The following ENTHD1 variants were observed in gnomAD, a reference collection of about 807,000 sequenced individuals.
ENTHD1 encodes the protein ENTH domain containing 1, also known as ENTH domain-containing protein 1.
A neutral mutation model predicts 39.1 loss-of-function variants in ENTHD1; 23 were observed. The observed-to-expected ratio is 0.59, with a 90% CI of 0.42 to 0.83. The LOEUF is 0.83. Ranked by LOEUF, ENTHD1 falls within the 40% of genes least tolerant of loss-of-function variation. The pLI is 0.00. For missense variants in ENTHD1, 624 were observed against 705.4 expected, an observed-to-expected ratio of 0.88 and a Z score of 1.31; for synonymous variants, 230 against 258.2, an observed-to-expected ratio of 0.89 and a Z score of 1.05.
At chr22:39,859,877 G>A (rs556428146) in intron 3 of ENTHD1, among the ~76,000 whole-genome samples, 1 of 152,176 alleles carries the variant, frequency 6.6e-6, no homozygotes, top group Admixed American at 6.5e-5. Flanking sequence ...TAAAATATAC[G>A]TTATCTGTGA....
In ENTHD1 at chr22:39,799,835, C is replaced by T. The variant is rs1338950232; in HGVS notation, c.832+21158G>A. On this transcript the variant is annotated intron_variant, in intron 5 of 6. Transcript: ENST00000325157. ...GTCTCTATCACTGGGGACCCTGTCA[C>T]TTCTGCTGGGTCCAACAGTGGCACA... 2.0e-5 allele frequency among the ~76,000 whole-genome samples: 3 copies of T among 152,334 alleles called. 1 individual carries two copies. Among genetic ancestry groups the T allele is most frequent in the Admixed American group, 6.5e-5 (1 of 15,304 alleles).
intron 5 of ENTHD1, among the ~76,000 whole-genome samples, chr22:39,800,210 G>A (rs542940330): frequency 2.6e-5 from 4 of 152,312 alleles, no homozygotes; most frequent in East Asian, 3.9e-4. Flanking sequence ...AGCCAATCCT[G>A]GCCAAGCTGG....
At chr22:39,839,320 T>G (rs368553966) in intron 3 of ENTHD1, among the ~76,000 whole-genome samples, 3 of 152,194 alleles carry the variant, frequency 2.0e-5, no homozygotes, top group Admixed American at 6.5e-5. Context: ...CTAAACGTTC[T>G]TGAATTAATT....
intron 4 of ENTHD1, 70 bp from the exon 5 acceptor site, chr22:39,821,183 G>A: frequency 1.9e-6 from 3 of 1,545,882 alleles, no homozygotes; most frequent in Non-Finnish European, 2.6e-6. Flanking sequence ...AATTTATTGA[G>A]CTACAAAGTA....
chr22:39,758,310 A>G lies in ENTHD1; in HGVS notation c.1219+6913T>C, dbSNP rs564819278. 3.6e-4 allele frequency among the ~76,000 whole-genome samples: 55 copies of G among 152,338 alleles called. 1 individual carries two copies. Among genetic ancestry groups the G allele is most frequent in the African/African-American group, 1.3e-3 (52 of 41,582 alleles). ...AAGACCTCTAATACAATGTTGAATA[A>G]AAGCGGTGACAGCAGCCATCCTTTC... On this transcript the variant is annotated intron_variant, in intron 6 of 6. Transcript: ENST00000325157.
Position 39,821,006 on chromosome 22 carries a change from A to T in ENTHD1, c.819T>A (p.Asn273Lys), listed in dbSNP as rs1440643686. 2 of 1,614,064 alleles carry T rather than the reference A, an allele frequency of 1.2e-6. No homozygotes were observed. The highest frequency in any genetic ancestry group is 3.3e-5 in the Admixed American group (2 of 60,024). The part of the protein sequence containing the change: ...TCLSEAEEVC[N>K]LSGADAVPTL... Reference sequence around the variant, plus strand: ...TAACCAATTTACCTGCACCCGAAAGATTACAAACTTCTTCTGCTTCTGACA... The same window carrying T: ...TAACCAATTTACCTGCACCCGAAAGTTTACAAACTTCTTCTGCTTCTGACA... Residue 273 changes from asparagine (N) to lysine (K), a missense_variant, in exon 5 of 7, where the codon AAT (asparagine) becomes AAA (lysine). Asn to Lys is a moderately conservative substitution (Grantham distance 94). Transcript: ENST00000325157.
chr22:39,875,571 T>A (rs1407797332), intron 2 of ENTHD1: 32 of 1,611,272 alleles, frequency 2.0e-5, no homozygotes, highest in Non-Finnish European at 2.6e-5. Flanking sequence ...TACCGCCGCC[T>A]TGAAGTTTTA....
chr22:39,859,725 G>A (rs1362435208), intron 3 of ENTHD1, among the ~76,000 whole-genome samples: 18 of 151,992 alleles, frequency 1.2e-4, no homozygotes, highest in Non-Finnish European at 8.8e-5. Context: ...AGATCACCAT[G>A]ACACATATAA....
intron 3 of ENTHD1, among the ~76,000 whole-genome samples, chr22:39,847,498 C>T (rs2065999859): frequency 6.6e-6 from 1 of 150,642 alleles, no homozygotes; most frequent in East Asian, 2.0e-4. Flanking sequence ...CACGTGTACC[C>T]TAAAACTTAA....
At chr22:39,817,650 GAATTTTTTTAAATTAAGAGTAT>G (rs2146643241) in intron 5 of ENTHD1, among the ~76,000 whole-genome samples, 1 of 151,942 alleles carries the variant, frequency 6.6e-6, no homozygotes, top group African/African-American at 2.4e-5. Flanking sequence ...CTCTGTATTT[GAATTTTTTTAAATTAAGAGTAT>G]ATTCACTTAT....
intron 2 of ENTHD1, among the ~76,000 whole-genome samples, chr22:39,881,468 C>T (rs558137578): frequency 1.3e-4 from 20 of 152,238 alleles, no homozygotes; most frequent in Non-Finnish European, 2.2e-4. Flanking sequence ...TATTATTCTC[C>T]GATGTTTCCC....
At chr22:39,823,395 A>C (rs2065797692) in intron 4 of ENTHD1, among the ~76,000 whole-genome samples, 1 of 151,980 alleles carries the variant, frequency 6.6e-6, no homozygotes, top group South Asian at 2.1e-4. Flanking sequence ...CCCAGGCTGG[A>C]GTGCAGTGGC....
At chr22:39,873,298 T>A (rs1345212538) in intron 2 of ENTHD1, among the ~76,000 whole-genome samples, 1 of 152,202 alleles carries the variant, frequency 6.6e-6, no homozygotes, top group Non-Finnish European at 1.5e-5. Flanking sequence ...CTATAATCCA[T>A]ACAATTCCTA....
chr22:39,836,345 C>T (rs1032195158), intron 3 of ENTHD1, among the ~76,000 whole-genome samples: 8 of 151,974 alleles, frequency 5.3e-5, no homozygotes, highest in African/African-American at 1.9e-4. Flanking sequence ...AATTTAAATT[C>T]TAGCCCTTTC....
intron 5 of ENTHD1, among the ~76,000 whole-genome samples, chr22:39,807,871 G>A (rs760128441): frequency 1.2e-4 from 18 of 151,284 alleles, no homozygotes; most frequent in Non-Finnish European, 1.8e-4. Context: ...GTGTGTGTGT[G>A]TATATATATA....
At chr22:39,787,824 A>G (rs971130330) in intron 5 of ENTHD1, among the ~76,000 whole-genome samples, 7 of 152,278 alleles carry the variant, frequency 4.6e-5, no homozygotes, top group African/African-American at 1.4e-4. Flanking sequence ...ATAGCAAGGT[A>G]TCCAGAAGAT....
At position 39,861,829 on chromosome 22, in the gene ENTHD1, T is replaced by G. The variant is rs141904479; in HGVS notation, c.528A>C (p.Thr176=). Residue 176 remains threonine (T), a synonymous_variant, in exon 3 of 7, where the codon ACA becomes ACC. Coordinates refer to ENST00000325157, the MANE Select transcript of ENTHD1 (RefSeq NM_152512.4). ...NSLTACTSAP[T]PDISASEKKY... The stretch of plus-strand genomic sequence containing the variant: ...TCTTCTCTGAAGCAGAAATATCCGG[T>G]GTGGGGGCAGAAGTGCACGCTGTCA... 833 of 1,597,738 alleles carry G rather than the reference T, an allele frequency of 5.2e-4. No homozygotes were observed. Among genetic ancestry groups the G allele is most frequent in the Non-Finnish European group, 6.8e-4 (798 of 1,169,556 alleles).
intron 5 of ENTHD1, among the ~76,000 whole-genome samples, chr22:39,783,129 T>G (rs1450321871): frequency 6.6e-6 from 1 of 152,104 alleles, no homozygotes; most frequent in African/African-American, 2.4e-5. Context: ...TTATATATGC[T>G]AACAATGCAC....
intron 3 of ENTHD1, among the ~76,000 whole-genome samples, chr22:39,845,471 T>C (rs1186363426): frequency 6.6e-6 from 1 of 151,566 alleles, no homozygotes; most frequent in African/African-American, 2.4e-5. Context: ...ACAAACACAT[T>C]CCGGTAGAAA....
Sources: gnomAD v4.1 joint callset for allele counts (sites outside exome capture counted in the v4.1 genomes callset) on GRCh38, gnomAD v4.1.1 for gene constraint, MANE v1.5 for transcripts, NCBI Gene and HGNC (gene_info 2026-07-23, HGNC 2026-07-21) for gene names.